TIAM1: variants seen among roughly 807,000 people sequenced by gnomAD.
TIAM1 encodes the protein rho guanine nucleotide exchange factor TIAM1.
TIAM1 carries 65 observed loss-of-function variants against 163.5 expected under a neutral mutation model. The ratio of observed to expected loss-of-function variants is 0.40; its 90% CI spans 0.33 to 0.49. The LOEUF is 0.49. TIAM1 is among the 20% of genes least tolerant of loss of function. The pLI, the probability that TIAM1 is intolerant of heterozygous loss-of-function variation, is 0.77. For synonymous variants in TIAM1, 833 were observed against 810.1 expected (o/e 1.03, Z -0.48); for missense variants, 1,789 against 2,044.7 (o/e 0.87, Z 2.41).
At chr21:31,290,085 T>A (rs1035290681) in intron 2 of TIAM1, among the ~76,000 whole-genome samples, 4 of 152,226 alleles carry the variant, frequency 2.6e-5, no homozygotes, top group Admixed American at 2.6e-4. Context: ...TATATATACT[T>A]GAAGTACTGT....
chr21:31,534,049 C>A (rs776981325), intron 1 of TIAM1, among the ~76,000 whole-genome samples: 2 of 152,186 alleles, frequency 1.3e-5, no homozygotes, highest in African/African-American at 4.8e-5. Context: ...CGGAAATACC[C>A]GCCTGGCATC....
chr21:31,217,394 C>A (rs1321562746), intron 9 of TIAM1, among the ~76,000 whole-genome samples, 159 bp downstream of exon 9: 3 of 152,120 alleles, frequency 2.0e-5, no homozygotes, highest in Non-Finnish European at 2.9e-5. Context: ...TATGGGTATG[C>A]ATTATCTATT....
intron 2 of TIAM1, among the ~76,000 whole-genome samples, chr21:31,440,064 C>A (rs1236975283): frequency 6.6e-6 from 1 of 152,234 alleles, no homozygotes; most frequent in African/African-American, 2.4e-5. Flanking sequence ...AAAAATAGTA[C>A]TCATACCTCC....
intron 10 of TIAM1, chr21:31,212,606 C>CTTTTTTTTTTTTTTTTTTTTTTTTTTTTT (rs35838120): frequency 1.1e-5 from 1 of 93,742 alleles, no homozygotes; most frequent in African/African-American, 3.8e-5. Flanking sequence ...GCCTGTGAAT[C>CTTTTTTTTTTTTTTTTTTTTTTTTTTTTT]TTTTTTTTTT....
At chr21:31,166,147 G>A (rs2146368824) in intron 15 of TIAM1, among the ~76,000 whole-genome samples, 1 of 152,292 alleles carries the variant, frequency 6.6e-6, no homozygotes, top group African/African-American at 2.4e-5. Context: ...AGCTCCGAAT[G>A]ATACTAATCA....
chr21:31,185,426 TATA>T (rs2085243945), intron 14 of TIAM1, among the ~76,000 whole-genome samples: 3 of 100,996 alleles, frequency 3.0e-5, no homozygotes, highest in Non-Finnish European at 5.3e-5. Flanking sequence ...AATTATGTTA[TATA>T]ATTATATATA....
intron 5 of TIAM1, among the ~76,000 whole-genome samples, chr21:31,246,330 T>C (rs2071500330): frequency 6.6e-6 from 1 of 152,136 alleles, no homozygotes; most frequent in South Asian, 2.1e-4. Context: ...CATGCATAAT[T>C]GCACTGTGAA....
At chr21:31,172,839 C>G (rs374822259) in intron 15 of TIAM1, among the ~76,000 whole-genome samples, 4 of 151,686 alleles carry the variant, frequency 2.6e-5, no homozygotes, top group African/African-American at 9.7e-5. Context: ...TGCACTCTAG[C>G]ATGGGTGACA....
chr21:31,417,196 G>T (rs2043403557), intron 2 of TIAM1, among the ~76,000 whole-genome samples: 1 of 152,012 alleles, frequency 6.6e-6, no homozygotes, highest in Non-Finnish European at 1.5e-5. Context: ...CTAATTTTTT[G>T]TATTTAGTAG....
chr21:31,534,299 G>C (rs1266328497), intron 1 of TIAM1, among the ~76,000 whole-genome samples: 1 of 152,210 alleles, frequency 6.6e-6, no homozygotes, highest in African/African-American at 2.4e-5. Context: ...CCTACATCGA[G>C]AACAACCAGA....
Position 31,124,538 on chromosome 21 carries a change from C to T in TIAM1, c.4290G>A (p.Pro1430=), listed in dbSNP as rs777769390. 108 of 1,613,124 alleles carry T rather than the reference C, an allele frequency of 6.7e-5. No homozygotes were observed. In the South Asian group the frequency reaches 1.0e-3, roughly 15 times the overall value. Reference sequence around the variant, plus strand: ...CCACAGTACCTGCCCTGCTCATGGCCGGCCTGGCCCCCTTCAGTGCACACA... The same window carrying T: ...CCACAGTACCTGCCCTGCTCATGGCTGGCCTGGCCCCCTTCAGTGCACACA... The part of the protein sequence containing the change: ...KRLCALKGAR[P]AMSRAVSAPS... The change falls in exon 27 of 28, where the codon CCG becomes CCA. Residue 1430 remains proline (P), a synonymous_variant. Coordinates refer to ENST00000541036, the MANE Select transcript of TIAM1 (RefSeq NM_001353694.2).
chr21:31,409,934 A>G (rs1172842506), intron 2 of TIAM1, among the ~76,000 whole-genome samples: 1 of 152,040 alleles, frequency 6.6e-6, no homozygotes, highest in Non-Finnish European at 1.5e-5. Context: ...AGGATTTATA[A>G]AGGCTGGCTG....
intron 2 of TIAM1, among the ~76,000 whole-genome samples, chr21:31,311,495 A>C (rs1223737661): frequency 1.3e-5 from 2 of 152,184 alleles, no homozygotes; most frequent in African/African-American, 4.8e-5. Flanking sequence ...ACCATCTGAC[A>C]CCTGGGTCTA....
intron 2 of TIAM1, among the ~76,000 whole-genome samples, chr21:31,358,347 G>C (rs892188806): frequency 3.0e-4 from 45 of 152,064 alleles, no homozygotes; most frequent in Admixed American, 2.2e-3. Flanking sequence ...CCGTCTTCTT[G>C]CCTGTTTCTG....
intron 1 of TIAM1, among the ~76,000 whole-genome samples, chr21:31,557,039 C>T (rs532098875): frequency 6.6e-6 from 1 of 152,356 alleles, no homozygotes; most frequent in Non-Finnish European, 1.5e-5. Flanking sequence ...CCACAGCAGT[C>T]CTTGGTTCAC....
At chr21:31,496,606 T>C (rs184448112) in intron 1 of TIAM1, among the ~76,000 whole-genome samples, 335 of 148,270 alleles carry the variant, frequency 2.3e-3, no homozygotes, top group African/African-American at 7.8e-3. Context: ...ACTGTTATTA[T>C]TAAAGAAAAA....
chr21:31,396,794 T>A (rs1405553851), intron 2 of TIAM1, among the ~76,000 whole-genome samples: 2 of 151,456 alleles, frequency 1.3e-5, no homozygotes, highest in Non-Finnish European at 2.9e-5. Context: ...TTACTAAAAA[T>A]ACAAAAATTA....
chr21:31,451,979 T>C (rs377608711), intron 2 of TIAM1, among the ~76,000 whole-genome samples: 2 of 151,810 alleles, frequency 1.3e-5, no homozygotes, highest in African/African-American at 2.4e-5. Flanking sequence ...CTAATAGAGA[T>C]GAAGAAGTTG....
chr21:31,544,105 G>A (rs1456015992), intron 1 of TIAM1, among the ~76,000 whole-genome samples: 2 of 152,148 alleles, frequency 1.3e-5, no homozygotes, highest in Non-Finnish European at 2.9e-5. Flanking sequence ...AGCTACTCAG[G>A]AGGCTGAGAC....
Sources: gnomAD v4.1 joint callset for allele counts (sites outside exome capture counted in the v4.1 genomes callset) on GRCh38, gnomAD v4.1.1 for gene constraint, MANE v1.5 for transcripts, NCBI Gene and HGNC (gene_info 2026-07-23, HGNC 2026-07-21) for gene names.